The following LRRC40 variants were observed in gnomAD, a reference collection of about 807,000 sequenced individuals.
LRRC40 encodes leucine rich repeat containing 40, also known as leucine-rich repeat-containing protein 40.
In LRRC40, 76 loss-of-function variants were observed where a neutral mutation model predicts 72.8. The ratio of observed to expected loss-of-function variants is 1.04; its 90% CI spans 0.87 to 1.26. The LOEUF is 1.26. Ranked by LOEUF, LRRC40 falls within the 50% of genes most tolerant of loss-of-function variation. The pLI is 0.00. For synonymous variants in LRRC40, 243 were observed against 254.2 expected (o/e 0.96, Z 0.42); for missense variants, 684 against 698.9 (o/e 0.98, Z 0.24).
At position 70,171,509 on chromosome 1, in the gene LRRC40, TA is replaced by T. The variant is rs564769632; in HGVS notation, c.1111+1955del. 2.0e-3 allele frequency among the ~76,000 whole-genome samples: 301 copies of T among 151,710 alleles called. 1 individual carries two copies. Among genetic ancestry groups the T allele is most frequent in the African/African-American group, 2.7e-3 (111 of 41,396 alleles). ...CAGCTCAATGATTTAAAAAAACAAT[TA>T]AAAAATAGACAAAGAATCTGAATAG... On this transcript the variant is annotated intron_variant, in intron 9 of 14. Transcript: ENST00000370952.
intron 5 of LRRC40, among the ~76,000 whole-genome samples, chr1:70,179,543 T>A (rs182193791): frequency 6.6e-6 from 1 of 152,160 alleles, no homozygotes; most frequent in African/African-American, 2.4e-5. Context: ...TACAACTAAA[T>A]GTACTCTGTG....
chr1:70,186,072 ATTG>A (rs1668352881), intron 3 of LRRC40, among the ~76,000 whole-genome samples: 1 of 152,152 alleles, frequency 6.6e-6, no homozygotes, highest in South Asian at 2.1e-4. Flanking sequence ...AACCAATAAT[ATTG>A]TTAAGTCGGT....
intron 1 of LRRC40, among the ~76,000 whole-genome samples, chr1:70,193,921 C>G (rs1231388915): frequency 6.6e-6 from 1 of 151,956 alleles, no homozygotes; most frequent in Non-Finnish European, 1.5e-5. Context: ...AACTAGGAAT[C>G]AAAGGGAACT....
chr1:70,153,620 C>T (rs978021932), intron 11 of LRRC40, among the ~76,000 whole-genome samples: 7 of 152,058 alleles, frequency 4.6e-5, no homozygotes, highest in African/African-American at 1.7e-4. Flanking sequence ...TTAAAGTATA[C>T]AGTTAAATTA....
rs1668238282 is a variant in LRRC40 at position 70,181,220 on chromosome 1, A to G, written c.538-11T>C. ...ATTGTTTGAAAGATCCTTTAAAAAG[A>G]GAAAGACAAAATAAATGAATAAACA... On this transcript the variant is annotated splice_polypyrimidine_tract_variant and intron_variant, in intron 4 of 14. Transcript: ENST00000370952. The G allele has an allele frequency of 6.7e-7, 1 of 1,492,974 alleles. No homozygotes were observed. The highest frequency in any genetic ancestry group is 2.4e-5 in the Admixed American group (1 of 42,448). The allele number at this position is 1,492,974 out of a possible 1,614,324, so 92.5% of individuals were successfully genotyped here.
chr1:70,156,513 T>C (rs1667639835), intron 10 of LRRC40, among the ~76,000 whole-genome samples: 1 of 152,228 alleles, frequency 6.6e-6, no homozygotes, highest in Non-Finnish European at 1.5e-5. Flanking sequence ...TAAATAAATT[T>C]CCTCTTTATT....
intron 1 of LRRC40, 25 bp from the exon 2 acceptor site, chr1:70,189,298 GAAAAAAA>G (rs745450367): frequency 1.6e-4 from 121 of 763,434 alleles, no homozygotes; most frequent in Middle Eastern, 2.7e-4. Flanking sequence ...ACCACACCAG[GAAAAAAA>G]AAAAAAAAAA....
rs1030297644 is a variant in LRRC40 at position 70,166,232 on chromosome 1, C to G, written c.1112-6794G>C. 1.2e-4 allele frequency among the ~76,000 whole-genome samples: 18 copies of G among 152,108 alleles called. 1 individual carries two copies. The highest frequency in any genetic ancestry group is 1.1e-3 in the Admixed American group (17 of 15,274). On this transcript the variant is annotated intron_variant, in intron 9 of 14. Transcript: ENST00000370952. Reference sequence around the variant, plus strand: ...GAAAAATGGAAGAGATAATTAAACCCCAGAAACTACAAATGTCAGGAAATA... The same window carrying G: ...GAAAAATGGAAGAGATAATTAAACCGCAGAAACTACAAATGTCAGGAAATA...
In LRRC40 at chr1:70,189,121, G is replaced by T. The variant is rs767301282; in HGVS notation, c.304C>A (p.Arg102=). 1 of 1,613,384 alleles carries T rather than the reference G, an allele frequency of 6.2e-7. No individual in the cohort carries two copies. The highest frequency in any genetic ancestry group is 1.7e-5 in the Admixed American group (1 of 59,940). Residue 102 remains arginine (R), a synonymous_variant, in exon 2 of 15, where the codon CGA becomes AGA. Coordinates refer to ENST00000370952, the MANE Select transcript of LRRC40 (RefSeq NM_017768.5). ...AGAACAGTCAGTGCAGGCAAGAGTC[G>T]CAGGTCATCTGTAAGTGACTGAAGT... ...NKLQSLTDDL[R]LLPALTVLDI...
At chr1:70,197,053 G>A (rs1194617755) in intron 1 of LRRC40, among the ~76,000 whole-genome samples, 3 of 152,134 alleles carry the variant, frequency 2.0e-5, no homozygotes, top group Non-Finnish European at 1.5e-5. Context: ...CTACAATGAC[G>A]TAAATGCCCT....
In LRRC40 at chr1:70,175,096, C is replaced by CA. The variant is rs971609223; in HGVS notation, c.977+713dup. On this transcript the variant is annotated intron_variant, in intron 7 of 14. Transcript: ENST00000370952. The stretch of plus-strand genomic sequence containing the variant: ...AAGTGAAAAATCAAATACTATTAGG[C>CA]AAAAAAAAAGCATTCTAGGGTAAAG... Among the ~76,000 whole-genome samples the CA allele has an allele frequency of 2.8e-4, 41 of 147,296 alleles. No individual in the cohort carries two copies. In the South Asian group the frequency reaches 4.1e-3, roughly 15 times the overall value.
chr1:70,148,736 A>G (rs956937885), intron 13 of LRRC40, 64 bp from the exon 14 acceptor site: 12 of 976,772 alleles, frequency 1.2e-5, no homozygotes, highest in Non-Finnish European at 1.8e-5. Context: ...TCCTTAAAAC[A>G]TATTATCTTA....
intron 1 of LRRC40, among the ~76,000 whole-genome samples, chr1:70,196,412 T>C (rs1668612528): frequency 2.0e-5 from 3 of 152,032 alleles, no homozygotes; most frequent in Non-Finnish European, 4.4e-5. Context: ...TAGCCAGGCA[T>C]GGTGGCATAC....
chr1:70,205,361 C>T, intron 1 of LRRC40, 29 bp downstream of exon 1: 2 of 1,525,156 alleles, frequency 1.3e-6, no homozygotes, highest in Non-Finnish European at 8.9e-7. Flanking sequence ...TGACAGGAGA[C>T]ACAATAGGGT....
chr1:70,174,290 TAAAC>T lies in LRRC40; in HGVS notation c.978-585_978-582del, dbSNP rs547299968. Among the ~76,000 whole-genome samples, 25 of 152,084 alleles carry T rather than the reference TAAAC, an allele frequency of 1.6e-4. No individual in the cohort carries two copies. The East Asian group carries it at 4.1e-3, about 25-fold the overall frequency. ...AGATTCTTGTTCTCAAGTCCTCAGT[TAAAC>T]AAAGGAAAAAAACACATACAGCTAA... On this transcript the variant is annotated intron_variant, in intron 7 of 14. Coordinates refer to ENST00000370952, the MANE Select transcript of LRRC40 (RefSeq NM_017768.5).
At chr1:70,179,681 G>A (rs1448549470) in intron 5 of LRRC40, among the ~76,000 whole-genome samples, 7 of 152,008 alleles carry the variant, frequency 4.6e-5, no homozygotes, top group Non-Finnish European at 8.8e-5. Flanking sequence ...CTTAAGTTGA[G>A]ATGTTCCTAT....
At chr1:70,163,563 T>C (rs529825961) in intron 9 of LRRC40, among the ~76,000 whole-genome samples, 54 of 152,322 alleles carry the variant, frequency 3.5e-4, no homozygotes, top group Admixed American at 3.5e-3. Flanking sequence ...TTAAGAATCC[T>C]TGTGATTATA....
In LRRC40 at chr1:70,145,490, C is replaced by G; in HGVS notation, c.*310G>C. ...AATTCATTTTTGAAAAAACTGCTTG[C>G]TATAAGAAAATGAAAGTTAGCAGGA... On this transcript the variant is annotated 3_prime_UTR_variant, in exon 15 of 15. Transcript: ENST00000370952. 5.7e-6 allele frequency: 1 copy of G among 175,294 alleles called. No individual in the cohort carries two copies. 10.9% of individuals were successfully genotyped at this position (175,294 alleles called of 1,614,324 possible).
intron 6 of LRRC40, among the ~76,000 whole-genome samples, chr1:70,178,400 AGGCAAATCAT>A (rs1668157744): frequency 1.3e-5 from 2 of 152,236 alleles, no homozygotes; most frequent in Non-Finnish European, 2.9e-5. Context: ...TATATAAAAA[AGGCAAATCAT>A]GGCAAATTTA....
Sources: gnomAD v4.1 joint callset for allele counts (sites outside exome capture counted in the v4.1 genomes callset) on GRCh38, gnomAD v4.1.1 for gene constraint, MANE v1.5 for transcripts, NCBI Gene and HGNC (gene_info 2026-07-23, HGNC 2026-07-21) for gene names.